Variants in LRP1B observed in about 807,000 individuals in gnomAD.
The protein encoded by LRP1B is LDL receptor related protein 1B, also known as low-density lipoprotein receptor-related protein 1B.
LRP1B carries 217 observed loss-of-function variants against 556.6 expected under a neutral mutation model. The observed-to-expected ratio is 0.39, with a 90% CI of 0.35 to 0.44. LRP1B has a LOEUF of 0.44. LRP1B is among the 20% of genes least tolerant of loss of function. LRP1B has a pLI of 1.00. For synonymous variants in LRP1B, 2,047 were observed against 1,865.8 expected (o/e 1.10, Z -2.50); for missense variants, 5,053 against 5,620.8 (o/e 0.90, Z 3.23).
rs555817461 is a variant in LRP1B, at chr2:141,154,112, T to C, written c.1013+34309A>G. ...AACTGATGGTATTATTTATTTTCTC[T>C]TTTGTTCACTTGTTCAGTTCAATAG... On this transcript the variant is annotated intron_variant, in intron 7 of 90. Transcript: ENST00000389484. 9.2e-5 allele frequency among the ~76,000 whole-genome samples: 14 copies of C among 151,980 alleles called. No individual in the cohort carries two copies. The East Asian group carries it at 2.7e-3, about 29-fold the overall frequency.
chr2:141,339,214 T>A (rs1687959287), intron 3 of LRP1B, among the ~76,000 whole-genome samples: 1 of 151,780 alleles, frequency 6.6e-6, no homozygotes, highest in Admixed American at 6.6e-5. Context: ...TGTCTATAAA[T>A]TTTTTCCCTA....
At chr2:140,540,393 A>T (rs141663429) in intron 45 of LRP1B, among the ~76,000 whole-genome samples, 2 of 152,212 alleles carry the variant, frequency 1.3e-5, no homozygotes, top group African/African-American at 4.8e-5. Flanking sequence ...TTTTGGAAAC[A>T]GTTTTGGAAA....
At chr2:142,103,441 G>C (rs905886311) in intron 1 of LRP1B, among the ~76,000 whole-genome samples, 1 of 151,600 alleles carries the variant, frequency 6.6e-6, no homozygotes, top group African/African-American at 2.4e-5. Flanking sequence ...GTTTTATAAT[G>C]GGCATTCTTA....
intron 18 of LRP1B, among the ~76,000 whole-genome samples, chr2:140,955,790 G>C (rs998992213): frequency 4.0e-5 from 6 of 151,612 alleles, no homozygotes; most frequent in African/African-American, 7.2e-5. Flanking sequence ...ACAAAGCTTA[G>C]AGGAATGTCT....
intron 1 of LRP1B, among the ~76,000 whole-genome samples, chr2:141,955,683 C>T (rs1041771683): frequency 6.6e-6 from 1 of 151,996 alleles, no homozygotes; most frequent in Non-Finnish European, 1.5e-5. Context: ...TTCCTTCCCT[C>T]CTGAGTCAGC....
chr2:140,534,592 T>G (rs1371140195), intron 46 of LRP1B, among the ~76,000 whole-genome samples: 4 of 152,164 alleles, frequency 2.6e-5, no homozygotes, highest in African/African-American at 9.6e-5. Context: ...CAGTGTCTCA[T>G]GGAGTCATCT....
intron 21 of LRP1B, among the ~76,000 whole-genome samples, chr2:140,914,633 A>G (rs1057244726): frequency 6.6e-6 from 1 of 152,120 alleles, no homozygotes; most frequent in African/African-American, 2.4e-5. Context: ...TTAAGAGAAG[A>G]ATATCTACAA....
intron 2 of LRP1B, among the ~76,000 whole-genome samples, chr2:141,504,245 A>G (rs1373503279): frequency 6.6e-6 from 1 of 152,182 alleles, no homozygotes; most frequent in African/African-American, 2.4e-5. Context: ...TAAGTTCTCC[A>G]AGGGCAGGAT....
intron 2 of LRP1B, among the ~76,000 whole-genome samples, chr2:141,679,060 T>C (rs575258109): frequency 6.6e-6 from 1 of 152,292 alleles, no homozygotes; most frequent in Admixed American, 6.5e-5. Flanking sequence ...ACTGCCATAT[T>C]GTCAGCTGCC....
chr2:141,296,069 A>G (rs1017408560), intron 3 of LRP1B, among the ~76,000 whole-genome samples: 1 of 152,198 alleles, frequency 6.6e-6, no homozygotes, highest in East Asian at 1.9e-4. Flanking sequence ...ACTTTGTCCC[A>G]GGTTCTTCCC....
Position 140,569,493 on chromosome 2 carries a change from G to A in LRP1B, c.7195-27522C>T, listed in dbSNP as rs191476661. 8.0e-4 allele frequency among the ~76,000 whole-genome samples: 122 copies of A among 151,914 alleles called. 2 individuals carry two copies. Among genetic ancestry groups the A allele is most frequent in the Non-Finnish European group, 1.0e-3 (69 of 67,786 alleles). On this transcript the variant is annotated intron_variant, in intron 43 of 90. Transcript: ENST00000389484. ...GAAGGTCATTATGTAATGGCAAAGAGGATGGAATAATTGTAAATAATTATA... is the reference window on the plus strand; with the variant it reads ...GAAGGTCATTATGTAATGGCAAAGAAGATGGAATAATTGTAAATAATTATA...
At chr2:140,899,468 G>A (rs1275057207) in intron 23 of LRP1B, among the ~76,000 whole-genome samples, 1 of 152,156 alleles carries the variant, frequency 6.6e-6, no homozygotes, top group Admixed American at 6.6e-5. Context: ...CCATACCACA[G>A]CTTGAGATTT....
Position 140,525,976 on chromosome 2 carries a change from G to A in LRP1B, c.7894C>T (p.His2632Tyr), listed in dbSNP as rs1314421642. 6.2e-7 allele frequency: 1 copy of A among 1,612,100 alleles called. No homozygotes were observed. The highest frequency in any genetic ancestry group is 8.5e-7 in the Non-Finnish European group (1 of 1,178,824). ...EKNCNNTDCT[H>Y]FYKLGVKTTG... ...GTTTTCACTCCAAGCTTATAGAAAT[G>A]TGTGCAGTCTGTGTTATCTAGAAGA... Residue 2632 changes from histidine (H) to tyrosine (Y), a missense_variant, in exon 49 of 91, where the codon CAT (histidine) becomes TAT (tyrosine). Physicochemically the swap from His to Tyr is moderately conservative, Grantham distance 83. Around this residue, in one of 5 missense-constraint regions of LRP1B, gnomAD observed 3,619 missense variants for 3,931.9 expected, o/e 0.92. Coordinates refer to ENST00000389484, the MANE Select transcript of LRP1B (RefSeq NM_018557.3).
intron 41 of LRP1B, among the ~76,000 whole-genome samples, chr2:140,648,104 C>T (rs1008170393): frequency 6.6e-6 from 1 of 152,172 alleles, no homozygotes; most frequent in Non-Finnish European, 1.5e-5. Context: ...GAATACTATG[C>T]AGCCATAGAA....
intron 1 of LRP1B, among the ~76,000 whole-genome samples, chr2:141,851,516 T>C (rs1370191487): frequency 6.6e-6 from 1 of 151,824 alleles, no homozygotes; most frequent in African/African-American, 2.4e-5. Context: ...AATTTGCCAG[T>C]GTGAAAAATC....
intron 3 of LRP1B, among the ~76,000 whole-genome samples, chr2:141,284,946 C>T (rs1685649823): frequency 6.6e-6 from 1 of 152,066 alleles, no homozygotes; most frequent in Admixed American, 6.6e-5. Context: ...AGGTCCTTTG[C>T]ATTTCCAAAA....
chr2:140,835,649 T>C (rs1014578443), intron 31 of LRP1B, among the ~76,000 whole-genome samples: 1 of 152,188 alleles, frequency 6.6e-6, no homozygotes, highest in African/African-American at 2.4e-5. Context: ...ATGATTCTCC[T>C]GCCTCAGCCT....
At chr2:140,601,015 G>A (rs1682645108) in intron 42 of LRP1B, among the ~76,000 whole-genome samples, 1 of 149,782 alleles carries the variant, frequency 6.7e-6, no homozygotes, top group Admixed American at 6.7e-5. Flanking sequence ...TTTTTGTATG[G>A]TTGCAGTTTG....
rs1695678303 is a variant in LRP1B, at chr2:140,950,402, T to A, written c.2969A>T (p.Asp990Val). 1 of 1,592,574 alleles carries A rather than the reference T, an allele frequency of 6.3e-7. No individual in the cohort carries two copies. The highest frequency in any genetic ancestry group is 8.5e-7 in the Non-Finnish European group (1 of 1,172,566). The change falls in exon 20 of 91, where the codon GAT becomes GTT. Residue 990 changes from aspartate to valine, a missense_variant and splice_region_variant. Physicochemically the swap from Asp to Val is radical, Grantham distance 152. Coordinates refer to ENST00000389484, the MANE Select transcript of LRP1B (RefSeq NM_018557.3). Reference sequence around the variant, plus strand: ...ATCACTCCCGTCCCCACAGTCGTCATCTGGAAAGAAACATCAACATGAGGC... The same window carrying A: ...ATCACTCCCGTCCCCACAGTCGTCAACTGGAAAGAAACATCAACATGAGGC... ...CISSKWHCDS[D>V]DDCGDGSDEV...
Sources: gnomAD v4.1 joint callset for allele counts (sites outside exome capture counted in the v4.1 genomes callset) on GRCh38, gnomAD v4.1.1 for gene constraint, gnomAD v4.1.1 regional missense constraint, MANE v1.5 for transcripts, NCBI Gene and HGNC (gene_info 2026-07-23, HGNC 2026-07-21) for gene names.